KCNJ6: variants seen among roughly 807,000 people sequenced by gnomAD.
KCNJ6 encodes G protein-activated inward rectifier potassium channel 2.
KCNJ6 carries 9 observed loss-of-function variants against 34.2 expected under a neutral mutation model. The observed-to-expected ratio is 0.26, with a 90% confidence interval of 0.16 to 0.46. KCNJ6 has a LOEUF of 0.46. Among genes scored for constraint, KCNJ6 ranks in the 20% least tolerant of loss-of-function variants. The pLI, the probability that KCNJ6 is intolerant of heterozygous loss-of-function variation, is 1.00. For missense variants in KCNJ6, 236 were observed against 531.3 expected (o/e 0.44, Z 5.46); for synonymous variants, 196 against 207.1 (o/e 0.95, Z 0.46).
At chr21:37,630,634 A>ATGTCTTAC (rs1385102966) in intron 3 of KCNJ6, among the ~76,000 whole-genome samples, 1 of 152,204 alleles carries the variant, frequency 6.6e-6, no homozygotes, top group Non-Finnish European at 1.5e-5. Context: ...AAATTACAAA[A>ATGTCTTAC]TGTCTTACCT....
At chr21:37,678,040 A>T (rs1207537751) in intron 3 of KCNJ6, among the ~76,000 whole-genome samples, 1 of 152,128 alleles carries the variant, frequency 6.6e-6, no homozygotes, top group East Asian at 1.9e-4. Flanking sequence ...AGAAATTCAC[A>T]AAACAAAGTG....
chr21:37,662,417 C>T (rs2054493760), intron 3 of KCNJ6, among the ~76,000 whole-genome samples: 1 of 152,194 alleles, frequency 6.6e-6, no homozygotes, highest in Admixed American at 6.5e-5. Context: ...CAGCTTCATC[C>T]ATGTCCCTGC....
At chr21:37,833,097 C>T (rs923937369) in intron 2 of KCNJ6, among the ~76,000 whole-genome samples, 2 of 152,156 alleles carry the variant, frequency 1.3e-5, no homozygotes, top group East Asian at 3.9e-4. Flanking sequence ...TAACTGCAAC[C>T]TCCACCTCCC....
At chr21:37,730,964 G>T (rs896437718) in intron 2 of KCNJ6, among the ~76,000 whole-genome samples, 1 of 152,206 alleles carries the variant, frequency 6.6e-6, no homozygotes, top group East Asian at 1.9e-4. Context: ...GGCAGTGGAG[G>T]TGCATAAGGT....
At chr21:37,785,090 C>T (rs1388678106) in intron 2 of KCNJ6, among the ~76,000 whole-genome samples, 1 of 152,170 alleles carries the variant, frequency 6.6e-6, no homozygotes, top group Non-Finnish European at 1.5e-5. Flanking sequence ...GGGAGCTGCA[C>T]AACAGCTGAC....
intron 2 of KCNJ6, among the ~76,000 whole-genome samples, chr21:37,833,960 C>T (rs974809041): frequency 2.6e-5 from 4 of 152,184 alleles, no homozygotes; most frequent in African/African-American, 9.7e-5. Flanking sequence ...GTCTCGAAAG[C>T]TTCGCCAAGC....
At chr21:37,720,835 G>A (rs558761847) in intron 2 of KCNJ6, among the ~76,000 whole-genome samples, 2 of 151,290 alleles carry the variant, frequency 1.3e-5, no homozygotes, top group Admixed American at 6.6e-5. Context: ...AGCCTCCCGA[G>A]TAGCTGGGAC....
At chr21:37,878,728 A>G (rs1363669124) in intron 1 of KCNJ6, among the ~76,000 whole-genome samples, 2 of 152,190 alleles carry the variant, frequency 1.3e-5, no homozygotes, top group Non-Finnish European at 2.9e-5. Context: ...TCACAAAGGG[A>G]AAAATACAGG....
Position 37,607,482 on chromosome 21 carries a change from A to ATATATATATATATATATATTTTTTTT in KCNJ6, c.*17676_*17677insAAAAAAAATATATATATATATATATA. Reference sequence around the variant, plus strand: ...CTTAAAGATATATATATATATATATATTTTTTTTTTATTTTAAAAAAATTT... The same window carrying ATATATATATATATATATATTTTTTTT: ...CTTAAAGATATATATATATATATATATATATATATATATATATATTTTTTTTTTTTTTTTTTATTTTAAAAAAATTT... On this transcript the variant is annotated 3_prime_UTR_variant, in exon 4 of 4. Transcript: ENST00000609713. 1 of 136,758 alleles carries ATATATATATATATATATATTTTTTTT rather than the reference A, an allele frequency of 7.3e-6. No homozygotes were observed. The highest frequency in any genetic ancestry group is 1.5e-5 in the Non-Finnish European group (1 of 64,778). 8.5% of individuals were successfully genotyped at this position (136,758 alleles called of 1,614,324 possible).
chr21:37,803,016 C>A (rs183475412), intron 2 of KCNJ6, among the ~76,000 whole-genome samples: 1 of 152,190 alleles, frequency 6.6e-6, no homozygotes, highest in Non-Finnish European at 1.5e-5. Context: ...CAGGGCTTTC[C>A]GACCTGGCAT....
In KCNJ6 at chr21:37,743,768, A is replaced by G. The variant is rs904477418; in HGVS notation, c.26-28637T>C. On this transcript the variant is annotated intron_variant, in intron 2 of 3. Coordinates refer to ENST00000609713, the MANE Select transcript of KCNJ6 (RefSeq NM_002240.5). ...GGTATTCTGTTACAGAAGCTAAAAA[A>G]ACAAAGACTATGACAGTACTAGACA... Among the ~76,000 whole-genome samples the G allele has an allele frequency of 3.3e-5, 5 of 152,138 alleles. No homozygotes were observed. In the East Asian group the frequency reaches 9.6e-4, roughly 29 times the overall value.
chr21:37,796,509 A>G (rs2123527118), intron 2 of KCNJ6, among the ~76,000 whole-genome samples: 1 of 152,202 alleles, frequency 6.6e-6, no homozygotes, highest in East Asian at 1.9e-4. Context: ...GATCTGACTC[A>G]CTTGTTAGCC....
intron 2 of KCNJ6, among the ~76,000 whole-genome samples, chr21:37,746,018 G>A (rs1264661781): frequency 6.6e-6 from 1 of 152,184 alleles, no homozygotes; most frequent in Non-Finnish European, 1.5e-5. Flanking sequence ...CTGGCTTGCA[G>A]GAGGCCACCT....
rs57522038 is a variant in KCNJ6 at position 37,617,052 on chromosome 21, C to CT, written c.*8106dup. 5.4e-5 allele frequency: 4 copies of CT among 74,126 alleles called. No homozygotes were observed. Among genetic ancestry groups the CT allele is most frequent in the African/African-American group, 2.0e-4 (4 of 20,262 alleles). 4.6% of individuals were successfully genotyped at this position (74,126 alleles called of 1,614,324 possible). ...TCTTTCTTTCTTTCTTTCTTTCTTT[C>CT]TTTTCTTTTCTTTTCTTTTCTTTTC... On this transcript the variant is annotated 3_prime_UTR_variant, in exon 4 of 4. Coordinates refer to ENST00000609713, the MANE Select transcript of KCNJ6 (RefSeq NM_002240.5).
intron 1 of KCNJ6, among the ~76,000 whole-genome samples, chr21:37,891,552 C>T (rs1026453257): frequency 3.3e-5 from 5 of 152,026 alleles, no homozygotes; most frequent in African/African-American, 1.2e-4. Context: ...TAAAAAAATC[C>T]CTTAATATGT....
At chr21:37,856,507 C>T (rs1403203515) in intron 1 of KCNJ6, among the ~76,000 whole-genome samples, 1 of 152,132 alleles carries the variant, frequency 6.6e-6, no homozygotes, top group Non-Finnish European at 1.5e-5. Context: ...CAAGTCAAGA[C>T]TGTGGACTAG....
chr21:37,718,319 T>A (rs565310543), intron 2 of KCNJ6, among the ~76,000 whole-genome samples: 1 of 152,234 alleles, frequency 6.6e-6, no homozygotes, highest in African/African-American at 2.4e-5. Flanking sequence ...ACCCATTATA[T>A]ATTTTGTGTC....
rs965028254 is a variant in KCNJ6, at chr21:37,609,163, C to G, written c.*15996G>C. 5 of 152,072 alleles carry G rather than the reference C, an allele frequency of 3.3e-5. No individual in the cohort carries two copies. The highest frequency in any genetic ancestry group is 1.2e-4 in the African/African-American group (5 of 41,404). The allele number at this position is 152,072 out of a possible 1,614,324, so 9.4% of individuals were successfully genotyped here. ...GCTTCATTTCTTTTGGGAAGATGTG[C>G]GTTCTCTAGGTGTGGATATTGGAGT... On this transcript the variant is annotated 3_prime_UTR_variant, in exon 4 of 4. Transcript: ENST00000609713.
intron 1 of KCNJ6, among the ~76,000 whole-genome samples, chr21:37,914,463 C>T (rs35190294): frequency 0.078 from 11,812 of 152,234 alleles, 540 homozygotes; most frequent in Middle Eastern, 0.095. Flanking sequence ...CAGCTCTGGG[C>T]GCCCTCTCGA....
Sources: allele counts gnomAD v4.1 joint callset (sites outside exome capture counted in the v4.1 genomes callset), GRCh38; gene constraint gnomAD v4.1.1; transcripts MANE v1.5; gene names NCBI Gene and HGNC (gene_info 2026-07-23, HGNC 2026-07-21).